Variants in EYA4 observed in about 807,000 individuals in gnomAD.
EYA4 encodes protein phosphatase EYA4.
In EYA4, 31 loss-of-function variants were observed where a neutral mutation model predicts 87.9. That is an observed-to-expected ratio of 0.35 (90% CI 0.27 to 0.48). EYA4 has a LOEUF of 0.48. Ranked by LOEUF, EYA4 falls within the 20% of genes least tolerant of loss-of-function variation. EYA4 has a pLI of 0.99. For missense variants in EYA4, 678 were observed against 761.4 expected (o/e 0.89, Z 1.29); for synonymous variants, 263 against 270.6 (o/e 0.97, Z 0.28).
chr6:133,332,818 T>A (rs1299393327), intron 2 of EYA4, among the ~76,000 whole-genome samples: 1 of 151,034 alleles, frequency 6.6e-6, no homozygotes, highest in African/African-American at 2.4e-5. Context: ...CGCGTTGGCC[T>A]CGCAGAGTGC....
At chr6:133,402,176 C>T (rs1031346547) in intron 3 of EYA4, among the ~76,000 whole-genome samples, 7 of 152,046 alleles carry the variant, frequency 4.6e-5, no homozygotes, top group African/African-American at 1.7e-4. Flanking sequence ...CACACACATA[C>T]ACACACACAT....
At chr6:133,413,798 C>T (rs1435347828) in intron 3 of EYA4, among the ~76,000 whole-genome samples, 2 of 152,174 alleles carry the variant, frequency 1.3e-5, no homozygotes, top group African/African-American at 4.8e-5. Context: ...TCTCTACTTG[C>T]ATATCCCTTG....
intron 3 of EYA4, among the ~76,000 whole-genome samples, chr6:133,418,137 G>A (rs1265716761): frequency 6.6e-6 from 1 of 152,074 alleles, no homozygotes; most frequent in African/African-American, 2.4e-5. Context: ...GGTCTTTCTC[G>A]AGCTATTCAT....
intron 3 of EYA4, among the ~76,000 whole-genome samples, chr6:133,383,029 T>C (rs1466889125): frequency 6.6e-6 from 1 of 152,170 alleles, no homozygotes; most frequent in East Asian, 1.9e-4. Context: ...GACCTACACA[T>C]TTTCATTGCT....
At chr6:133,480,673 A>T (rs1796129185) in intron 11 of EYA4, among the ~76,000 whole-genome samples, 1 of 152,236 alleles carries the variant, frequency 6.6e-6, no homozygotes, top group Non-Finnish European at 1.5e-5. Flanking sequence ...ATATGATAAC[A>T]TGGATATATT....
rs192536730 is a variant in EYA4, at chr6:133,453,268, A to G, written c.278-3288A>G. On this transcript the variant is annotated intron_variant, in intron 5 of 19. Coordinates refer to ENST00000355286, the MANE Select transcript of EYA4 (RefSeq NM_004100.5). The stretch of plus-strand genomic sequence containing the variant: ...AAGTTTCCTGCCACTAGAAAAGTAT[A>G]TAGTAGGTGTAATTTAAAGTGCAGA... Among the ~76,000 whole-genome samples the G allele has an allele frequency of 6.6e-5, 10 of 152,200 alleles. 1 individual carries two copies. The highest frequency in any genetic ancestry group is 5.2e-4 in the Admixed American group (8 of 15,288).
rs553341130 is a variant in EYA4, at chr6:133,373,562, C to T, written c.34-8830C>T. On this transcript the variant is annotated intron_variant, in intron 2 of 19. Coordinates refer to ENST00000355286, the MANE Select transcript of EYA4 (RefSeq NM_004100.5). ...GCACAGTAGTCAGCAATTTTAATTT[C>T]GCTGCAGAAGATTCTACCAAATTAA... Among the ~76,000 whole-genome samples the T allele has an allele frequency of 7.2e-5, 11 of 152,090 alleles. No homozygotes were observed. In the South Asian group the frequency reaches 2.1e-3, roughly 29 times the overall value.
intron 19 of EYA4, among the ~76,000 whole-genome samples, chr6:133,528,074 C>T: frequency 6.6e-6 from 1 of 152,124 alleles, no homozygotes; most frequent in Non-Finnish European, 1.5e-5. Flanking sequence ...TCATTTGTGT[C>T]CCTTTGGAGA....
chr6:133,360,173 G>C (rs1784351239), intron 2 of EYA4: 1 of 152,136 alleles, frequency 6.6e-6, no homozygotes, highest in Non-Finnish European at 1.5e-5. Flanking sequence ...TCTACATTAA[G>C]GTAAAAGCAA....
At chr6:133,508,257 A>G (rs1338631584) in intron 14 of EYA4, among the ~76,000 whole-genome samples, 1 of 152,104 alleles carries the variant, frequency 6.6e-6, no homozygotes, top group Non-Finnish European at 1.5e-5. Context: ...TTACTAGGCA[A>G]GCTTTCAGTT....
chr6:133,342,182 G>A (rs72993996), intron 2 of EYA4, among the ~76,000 whole-genome samples: 14,304 of 151,806 alleles, frequency 0.094, 776 homozygotes, highest in South Asian at 0.13. Context: ...ATTGGTACCA[G>A]CTTCTTTGGG....
chr6:133,302,079 C>G (rs940646741), intron 2 of EYA4, among the ~76,000 whole-genome samples: 6 of 152,158 alleles, frequency 3.9e-5, no homozygotes, highest in Non-Finnish European at 2.9e-5. Flanking sequence ...GCAGTTTTTG[C>G]AAATGACTCA....
In EYA4 at chr6:133,462,477, G is replaced by A. The variant is rs1199874172; in HGVS notation, c.580G>A (p.Asp194Asn). ...TGQPYSLPTY[D>N]LGVMLPAIKT... ...ACAGCCCTACAGCTTGCCCACTTAC[G>A]GTATTTCACATCTTCTGTTTTCTTC... The change falls in exon 8 of 20, where the codon GAT becomes AAT. Residue 194 changes from aspartate to asparagine, a missense_variant and splice_region_variant. Asp to Asn is a conservative substitution (Grantham distance 23). Transcript: ENST00000355286. 2 of 1,613,328 alleles carry A rather than the reference G, an allele frequency of 1.2e-6. No individual in the cohort carries two copies. The highest frequency in any genetic ancestry group is 1.7e-6 in the Non-Finnish European group (2 of 1,179,934).
At chr6:133,295,022 T>C (rs1228685856) in intron 2 of EYA4, among the ~76,000 whole-genome samples, 4 of 152,258 alleles carry the variant, frequency 2.6e-5, no homozygotes, top group Non-Finnish European at 4.4e-5. Flanking sequence ...TGAATTAATA[T>C]CAATAAACAT....
At chr6:133,518,438 CTTT>C (rs1364152390) in intron 17 of EYA4, among the ~76,000 whole-genome samples, 1 of 151,994 alleles carries the variant, frequency 6.6e-6, no homozygotes, top group Non-Finnish European at 1.5e-5. Flanking sequence ...TTTGCCATTA[CTTT>C]TAATGGCAAA....
intron 3 of EYA4, among the ~76,000 whole-genome samples, chr6:133,387,568 A>G (rs1223990320): frequency 2.0e-5 from 3 of 152,174 alleles, no homozygotes; most frequent in Non-Finnish European, 4.4e-5. Context: ...TTATATTATC[A>G]TATATTATCT....
chr6:133,249,715 T>C (rs1774730464), intron 1 of EYA4, among the ~76,000 whole-genome samples: 1 of 152,210 alleles, frequency 6.6e-6, no homozygotes, highest in African/African-American at 2.4e-5. Context: ...CAAATATCTT[T>C]TCTACTGCTT....
intron 2 of EYA4, among the ~76,000 whole-genome samples, chr6:133,312,472 G>A (rs977172787): frequency 2.0e-4 from 31 of 152,156 alleles, no homozygotes; most frequent in African/African-American, 6.5e-4. Flanking sequence ...TTGAATTGCA[G>A]ATTCCTATCT....
At chr6:133,408,374 G>A (rs906481762) in intron 3 of EYA4, among the ~76,000 whole-genome samples, 3 of 152,190 alleles carry the variant, frequency 2.0e-5, no homozygotes, top group Non-Finnish European at 2.9e-5. Flanking sequence ...TGGACTGTCT[G>A]CATAGTCTTG....
Sources: gnomAD v4.1 joint callset for allele counts (sites outside exome capture counted in the v4.1 genomes callset) on GRCh38, gnomAD v4.1.1 for gene constraint, MANE v1.5 for transcripts, NCBI Gene and HGNC (gene_info 2026-07-23, HGNC 2026-07-21) for gene names.